The following ZNF226 variants were observed in gnomAD, a reference collection of about 807,000 sequenced individuals.
The protein encoded by ZNF226 is Kruppel-associated box protein.
ZNF226 carries 6 observed loss-of-function variants against 11.4 expected under a neutral mutation model. The ratio of observed to expected loss-of-function variants is 0.53; its 90% CI spans 0.29 to 1.04. ZNF226 has a LOEUF of 1.04. Among genes scored for constraint, ZNF226 ranks in the 50% least tolerant of loss-of-function variants. ZNF226 has a pLI of 0.08. For missense variants in ZNF226, 1,058 were observed against 956.5 expected (o/e 1.11, Z -1.40); for synonymous variants, 350 against 322.8 (o/e 1.08, Z -0.90).
Position 44,177,201 on chromosome 19 carries a change from G to T in ZNF226, c.1939G>T (p.Glu647Ter), listed in dbSNP as rs1318177817. The T allele has an allele frequency of 6.2e-7, 1 of 1,613,780 alleles. No homozygotes were observed. ...TGGAGAAAAACCATTCAAATGTGAA[G>T]AATGTGGGAAGAGTTTCGGTCGGAG... Reference protein sequence around the residue: ...HSGEKPFKCEECGKSFGRSAH... With the variant: ...HSGEKPFKCE Residue 647 changes from glutamate to a stop codon, truncating the protein, a stop_gained, in exon 6 of 6, where the codon GAA becomes TAA. Transcript: ENST00000337433. LOFTEE classifies it low-confidence loss of function (END_TRUNC).
intron 5 of ZNF226, chr19:44,173,308 T>G: frequency 3.0e-6 from 1 of 335,666 alleles, no homozygotes; most frequent in South Asian, 1.4e-4. Context: ...TTTCTGTGAA[T>G]TCCAGCCACA....
intron 5 of ZNF226, 117 bp from the exon 6 acceptor site, chr19:44,175,381 A>C (rs757297696): frequency 3.5e-6 from 5 of 1,434,818 alleles, no homozygotes; most frequent in Non-Finnish European, 4.6e-6. Context: ...ATGTGTCACA[A>C]AAGATGAGCA....
chr19:44,172,902 A>T lies in ZNF226; in HGVS notation c.185A>T (p.Asn62Ile), dbSNP rs1400900662. The change falls in exon 5 of 6, where the codon AAT (asparagine) becomes ATT (isoleucine). Residue 62 changes from asparagine (N) to isoleucine (I), a missense_variant. Coordinates refer to ENST00000337433, the MANE Select transcript of ZNF226 (RefSeq NM_001032373.2). ...CAAGATGTATCACCTATAGAAAGAA[A>T]TGAGCAGCTTTGGATAATGACGACA... ...FKQDVSPIER[N>I]EQLWIMTTAT... 2.5e-6 allele frequency: 4 copies of T among 1,606,536 alleles called. No individual in the cohort carries two copies. Among genetic ancestry groups the T allele is most frequent in the Non-Finnish European group, 3.4e-6 (4 of 1,176,482 alleles).
intron 5 of ZNF226, chr19:44,174,881 G>GGA: frequency 9.0e-7 from 1 of 1,115,402 alleles, no homozygotes; most frequent in East Asian, 2.4e-5. Flanking sequence ...TATCAACTTT[G>GGA]ATTTTTCTCT....
chr19:44,175,047 G>C, intron 5 of ZNF226: 1 of 1,611,208 alleles, frequency 6.2e-7, no homozygotes, highest in Admixed American at 1.7e-5. Context: ...TGGATTTGAA[G>C]TTAGAAGAAA....
the ZNF226 span, among the ~76,000 whole-genome samples, chr19:44,186,887 T>TAA: frequency 4.7e-5 from 7 of 149,232 alleles, no homozygotes; most frequent in South Asian, 6.3e-4. Context: ...TTTTTTTTTT[T>TAA]AATCATGAAA....
rs533087898 is a variant in ZNF226, at chr19:44,175,927, AATCTT to A, written c.668_672del (p.Ser223Ter). 2.4e-4 allele frequency: 394 copies of A among 1,613,410 alleles called. 3 individuals are homozygous for A. In the South Asian group the frequency reaches 3.2e-3, roughly 13 times the overall value. ...GGTCATAGAGTACACAAAAGTGAAA[AATCTT>A]ATAGACCCAATGATTATGAAAAAGA... On this transcript the variant is annotated frameshift_variant, in exon 6 of 6. Coordinates refer to ENST00000337433, the MANE Select transcript of ZNF226 (RefSeq NM_001032373.2). LOFTEE classifies it low-confidence loss of function (END_TRUNC).
chr19:44,171,998 C>A, intron 3 of ZNF226, 90 bp from the exon 4 acceptor site: 1 of 1,536,214 alleles, frequency 6.5e-7, no homozygotes, highest in African/African-American at 1.4e-5. Context: ...AACGGCTGGG[C>A]ATCCAGAACA....
Position 44,176,272 on chromosome 19 carries a change from G to T in ZNF226, c.1010G>T (p.Cys337Phe). Residue 337 changes from cysteine (C) to phenylalanine (F), a missense_variant, in exon 6 of 6, where the codon TGT becomes TTT. Transcript: ENST00000337433. Reference sequence around the variant, plus strand: ...CACGTGATAGAGAAACCATACAAATGTAAGCAATGTGGGAAAGGTTTCAGT... The same window carrying T: ...CACGTGATAGAGAAACCATACAAATTTAAGCAATGTGGGAAAGGTTTCAGT... The part of the protein sequence containing the change: ...KVHVIEKPYK[C>F]KQCGKGFSRR... 2 of 1,614,176 alleles carry T rather than the reference G, an allele frequency of 1.2e-6. No individual in the cohort carries two copies. Among genetic ancestry groups the T allele is most frequent in the Non-Finnish European group, 1.7e-6 (2 of 1,180,024 alleles).
chr19:44,199,372 C>T, the ZNF226 span, among the ~76,000 whole-genome samples: 1 of 152,062 alleles, frequency 6.6e-6, no homozygotes, highest in African/African-American at 2.4e-5. Flanking sequence ...GACAGAGTCT[C>T]ACTTTGTTCC....
chr19:44,182,952 G>A (rs558178205), downstream of ZNF226, among the ~76,000 whole-genome samples: 3 of 152,096 alleles, frequency 2.0e-5, no homozygotes, highest in African/African-American at 7.2e-5. Context: ...GAGAATTGTG[G>A]CCTCTAAGGC....
chr19:44,194,161 T>A, the ZNF226 span, among the ~76,000 whole-genome samples: 1 of 152,236 alleles, frequency 6.6e-6, no homozygotes. Flanking sequence ...TCAGTGGTAA[T>A]CTTCCTTGTC....
chr19:44,168,998 C>CTTTTTTTTTTTT (rs34967576), intron 2 of ZNF226, among the ~76,000 whole-genome samples: 2 of 90,804 alleles, frequency 2.2e-5, no homozygotes, highest in African/African-American at 5.9e-5. Context: ...CTCCCTTTTC[C>CTTTTTTTTTTTT]TTTTTTTTTT....
At chr19:44,185,999 C>A in the ZNF226 span, among the ~76,000 whole-genome samples, 14 of 151,868 alleles carry the variant, frequency 9.2e-5, no homozygotes, top group Admixed American at 7.9e-4. Context: ...TTCCCATTAC[C>A]ATTTTTTGAA....
rs1156871094 is a variant in ZNF226, at chr19:44,172,178, G to A, written c.106G>A (p.Val36Met). The change falls in exon 4 of 6, where the codon GTG (valine) becomes ATG (methionine). Residue 36 changes from valine to methionine, a missense_variant. Val to Met is a conservative substitution (Grantham distance 21). Transcript: ENST00000337433. ...TGCCCAGAGGAAGCTGTACCGAGATGTGATGGTGGAGAACTTTAGGAACCT... is the reference window on the plus strand; with the variant it reads ...TGCCCAGAGGAAGCTGTACCGAGATATGATGGTGGAGAACTTTAGGAACCT... ...GPAQRKLYRD[V>M]MVENFRNLLS... The A allele has an allele frequency of 1.2e-6, 2 of 1,612,834 alleles. No homozygotes were observed. Among genetic ancestry groups the A allele is most frequent in the Non-Finnish European group, 8.5e-7 (1 of 1,179,160 alleles).
chr19:44,173,033 G>A, intron 5 of ZNF226, 81 bp downstream of exon 5: 1 of 1,331,556 alleles, frequency 7.5e-7, no homozygotes, highest in Non-Finnish European at 1.1e-6. Context: ...CCATCACCTG[G>A]TCCAAATTGC....
At chr19:44,190,919 T>G in the ZNF226 span, among the ~76,000 whole-genome samples, 1 of 152,236 alleles carries the variant, frequency 6.6e-6, no homozygotes, top group African/African-American at 2.4e-5. Context: ...CAGAAGTATA[T>G]TTTACCAAAT....
At position 44,175,919 on chromosome 19, in the gene ZNF226, A is replaced by T. The variant is rs765528109; in HGVS notation, c.657A>T (p.Lys219Asn). The change falls in exon 6 of 6, where the codon AAA becomes AAT. Residue 219 changes from lysine (K) to asparagine (N), a missense_variant. Lys to Asn is a moderately conservative substitution (Grantham distance 94). Coordinates refer to ENST00000337433, the MANE Select transcript of ZNF226 (RefSeq NM_001032373.2). Reference sequence around the variant, plus strand: ...ATCATGATGGTCATAGAGTACACAAAAGTGAAAAATCTTATAGACCCAATG... The same window carrying T: ...ATCATGATGGTCATAGAGTACACAATAGTGAAAAATCTTATAGACCCAATG... Reference protein sequence around the residue: ...ISHHDGHRVHKSEKSYRPNDY... With the variant: ...ISHHDGHRVHNSEKSYRPNDY... 3.1e-6 allele frequency: 5 copies of T among 1,613,490 alleles called. No homozygotes were observed. The Admixed American group carries it at 6.7e-5, about 22-fold the overall frequency.
rs1969896400 is a variant in ZNF226, at chr19:44,170,021, C to T, written c.-46-14C>T. 6.4e-7 allele frequency: 1 copy of T among 1,555,584 alleles called. No individual in the cohort carries two copies. On this transcript the variant is annotated splice_polypyrimidine_tract_variant and intron_variant, in intron 2 of 5. Coordinates refer to ENST00000337433, the MANE Select transcript of ZNF226 (RefSeq NM_001032373.2). ...ACTTACCCAGTTTTGATTTATTTCT[C>T]TCTTCTTTCCTAGTTCAGCTTCTTA...
Sources: allele counts gnomAD v4.1 joint callset (sites outside exome capture counted in the v4.1 genomes callset), GRCh38; gene constraint gnomAD v4.1.1; transcripts MANE v1.5; gene names NCBI Gene and HGNC (gene_info 2026-07-23, HGNC 2026-07-21).